DOCK7: variants seen among roughly 807,000 people sequenced by gnomAD.
DOCK7 encodes the protein dedicator of cytokinesis protein 7.
DOCK7 carries 138 observed loss-of-function variants against 271.0 expected under a neutral mutation model. The ratio of observed to expected loss-of-function variants is 0.51; its 90% CI spans 0.44 to 0.59. The LOEUF (loss-of-function observed/expected upper bound fraction) is 0.59. DOCK7 is among the 20% of genes least tolerant of loss of function. The pLI is 0.00. For synonymous variants in DOCK7, 823 were observed against 876.1 expected, an observed-to-expected ratio of 0.94 and a Z score of 1.07; for missense variants, 2,066 against 2,592.4, an observed-to-expected ratio of 0.80 and a Z score of 4.41.
chr1:62,476,091 G>T lies in DOCK7; in HGVS notation c.5700C>A (p.Asp1900Glu), dbSNP rs556891960. Residue 1900 changes from aspartate to glutamate, a missense_variant, in exon 45 of 50, where the codon GAC becomes GAA. Asp to Glu is a conservative substitution (Grantham distance 45). Coordinates refer to ENST00000635253, the MANE Select transcript of DOCK7 (RefSeq NM_001367561.1). Reference protein sequence around the residue: ...VEVIKDSNPVDKCKLDPNKAY... With the variant: ...VEVIKDSNPVEKCKLDPNKAY... ...CCTTGTTAGGATCTAATTTACACTT[G>T]TCTACAGGATTAGAGTCTTTGATTA... The T allele has an allele frequency of 1.2e-6, 2 of 1,613,138 alleles. No homozygotes were observed. The highest frequency in any genetic ancestry group is 8.5e-7 in the Non-Finnish European group (1 of 1,179,462).
chr1:62,602,259 T>C (rs780201533), intron 14 of DOCK7: 22 of 1,550,088 alleles, frequency 1.4e-5, no homozygotes, highest in Non-Finnish European at 1.8e-5. Flanking sequence ...CTACTAAAAA[T>C]ACATGATTTC....
intron 10 of DOCK7, 81 bp downstream of exon 10, chr1:62,633,417 A>C: frequency 9.4e-7 from 1 of 1,069,362 alleles, no homozygotes; most frequent in Non-Finnish European, 1.4e-6. Context: ...GCTATTGCAT[A>C]TAAAATGCTA....
At chr1:62,537,800 G>T in intron 28 of DOCK7, 91 bp downstream of exon 28, 1 of 1,172,560 alleles carries the variant, frequency 8.5e-7, no homozygotes. Flanking sequence ...TCATACAGCT[G>T]TTATTCAATA....
chr1:62,510,594 G>A lies in DOCK7; in HGVS notation c.4362C>T (p.Asn1454=), dbSNP rs773923540. The change falls in exon 34 of 50, where the codon AAC becomes AAT. Residue 1454 remains asparagine (N), a synonymous_variant. Coordinates refer to ENST00000635253, the MANE Select transcript of DOCK7 (RefSeq NM_001367561.1). ...TGTATTACTTGTCAAGCTTCTCTGT[G>A]TTTTGACGCCAGTGAGTCATATCTT... ...WRKDMTHWRQ[N]TEKLDKSRAE... is the part of the protein sequence containing the mutation. 1.9e-6 allele frequency: 3 copies of A among 1,613,048 alleles called. No homozygotes were observed. Among genetic ancestry groups the A allele is most frequent in the Non-Finnish European group, 2.5e-6 (3 of 1,179,520 alleles).
rs202155497 is a variant in DOCK7 at position 62,471,222 on chromosome 1, ATTAG to A, written c.6212+2756_6212+2759del. On this transcript the variant is annotated intron_variant, in intron 48 of 49. Transcript: ENST00000635253. ...TAAGGCTTCCAGTCAATAGCAGGCTATTAGTTAAGTTTCTGGGGTGGGGAGGGTC... is the reference window on the plus strand; with the variant it reads ...TAAGGCTTCCAGTCAATAGCAGGCTATTAAGTTTCTGGGGTGGGGAGGGTC... 7.1e-3 allele frequency among the ~76,000 whole-genome samples: 1,076 copies of A among 152,270 alleles called. 12 individuals are homozygous for A. The highest frequency in any genetic ancestry group is 0.025 in the African/African-American group (1,036 of 41,538).
chr1:62,553,853 G>A lies in DOCK7; in HGVS notation c.2597-952C>T, dbSNP rs1021881174. On this transcript the variant is annotated intron_variant, in intron 21 of 49. Transcript: ENST00000635253. ...CACACAGACGTGTGCGTGCGTGCGCGCACACACACACACACGCACACGCAG... is the reference window on the plus strand; with the variant it reads ...CACACAGACGTGTGCGTGCGTGCGCACACACACACACACACGCACACGCAG... Among the ~76,000 whole-genome samples, 7 of 121,054 alleles carry A rather than the reference G, an allele frequency of 5.8e-5. No individual in the cohort carries two copies. In the South Asian group the frequency reaches 9.8e-4, roughly 17 times the overall value. The allele number at this position is 121,054 out of a possible 152,430, so 79.4% of individuals were successfully genotyped here.
At chr1:62,535,731 GTTTAT>G (rs1645325049) in intron 28 of DOCK7, 99 bp from the exon 29 acceptor site, 2 of 1,242,084 alleles carry the variant, frequency 1.6e-6, no homozygotes, top group African/African-American at 3.1e-5. Context: ...TCCCAGGGTA[GTTTAT>G]TTTATATTAC....
intron 15 of DOCK7, chr1:62,584,493 A>C: frequency 9.4e-7 from 1 of 1,061,116 alleles, no homozygotes; most frequent in Admixed American, 5.1e-5. Context: ...TTGTATTTTC[A>C]TATGACTAAT....
chr1:62,486,563 C>T (rs1167944296), intron 43 of DOCK7: 3 of 152,050 alleles, frequency 2.0e-5, no homozygotes, highest in Non-Finnish European at 4.4e-5. Context: ...GTAATCAATT[C>T]TTCCTGGCAT....
intron 48 of DOCK7, among the ~76,000 whole-genome samples, chr1:62,462,530 CAGAA>C (rs929132269): frequency 6.6e-5 from 10 of 152,074 alleles, no homozygotes; most frequent in African/African-American, 2.4e-4. Flanking sequence ...CACTGCAAAC[CAGAA>C]AGAAAGAAAT....
chr1:62,583,976 A>T, intron 15 of DOCK7: 1 of 221,124 alleles, frequency 4.5e-6, no homozygotes, highest in African/African-American at 2.3e-5. Flanking sequence ...TTATAGCTAT[A>T]ATTCCTATGT....
intron 14 of DOCK7, among the ~76,000 whole-genome samples, chr1:62,615,929 T>C (rs1335472183): frequency 1.1e-4 from 16 of 151,756 alleles, no homozygotes. Context: ...TAGAAACTAA[T>C]TATAGTTTTT....
intron 1 of DOCK7, among the ~76,000 whole-genome samples, chr1:62,682,082 G>C (rs947853367): frequency 6.6e-6 from 1 of 151,964 alleles, no homozygotes; most frequent in Non-Finnish European, 1.5e-5. Context: ...TACAGAGATG[G>C]AAACAAGCAT....
chr1:62,525,236 T>G (rs1229136911), intron 31 of DOCK7, among the ~76,000 whole-genome samples: 1 of 151,908 alleles, frequency 6.6e-6, no homozygotes, highest in African/African-American at 2.4e-5. Flanking sequence ...CTCGAACTCC[T>G]GACTTCAAGT....
chr1:62,541,775 C>T (rs1645542199), intron 25 of DOCK7, among the ~76,000 whole-genome samples: 1 of 152,038 alleles, frequency 6.6e-6, no homozygotes, highest in African/African-American at 2.4e-5. Context: ...TCCCCTAAAC[C>T]CCAAGTTGTT....
intron 14 of DOCK7, 77 bp downstream of exon 14, chr1:62,618,629 G>C: frequency 7.6e-7 from 1 of 1,317,064 alleles, no homozygotes; most frequent in Non-Finnish European, 1.1e-6. Flanking sequence ...TTTTTGGAGA[G>C]TTTATTCTAG....
Position 62,475,829 on chromosome 1 carries a change from A to G in DOCK7, c.5839T>C (p.Phe1947Leu), listed in dbSNP as rs1467312320. The G allele has an allele frequency of 1.2e-6, 2 of 1,614,110 alleles. No individual in the cohort carries two copies. Among genetic ancestry groups the G allele is most frequent in the Non-Finnish European group, 1.7e-6 (2 of 1,179,950 alleles). Residue 1947 changes from phenylalanine (F) to leucine (L), a missense_variant, in exon 46 of 50, where the codon TTT (phenylalanine) becomes CTT (leucine). Around this residue, in one of 2 missense-constraint regions of DOCK7, gnomAD observed 652 missense variants for 922.1 expected, o/e 0.71. Transcript: ENST00000635253. ...NLRRFMYCTP[F>L]TLDGRAHGEL... ...CCATGGGCACGGCCATCTAAAGTAA[A>G]GGGTGTACAGTACATGAATCGACGA...
intron 1 of DOCK7, among the ~76,000 whole-genome samples, chr1:62,671,050 G>GT (rs1358129234): frequency 1.3e-5 from 2 of 151,908 alleles, no homozygotes; most frequent in African/African-American, 2.4e-5. Context: ...CTTAAGAGCT[G>GT]TAACACTCAC....
chr1:62,685,336 T>C (rs7533847), intron 1 of DOCK7, among the ~76,000 whole-genome samples: 5,344 of 152,294 alleles, frequency 0.035, 326 homozygotes, highest in African/African-American at 0.12. Context: ...TGTGCTATAC[T>C]TCCTCTAATA....
Sources: gnomAD v4.1 joint callset for allele counts (sites outside exome capture counted in the v4.1 genomes callset) on GRCh38, gnomAD v4.1.1 for gene constraint, gnomAD v4.1.1 regional missense constraint, MANE v1.5 for transcripts, NCBI Gene and HGNC (gene_info 2026-07-23, HGNC 2026-07-21) for gene names.